Variants in BEST3 observed in about 807,000 individuals in gnomAD.
The protein encoded by BEST3 is bestrophin 3.
BEST3 carries 50 observed loss-of-function variants against 47.1 expected under a neutral mutation model. The observed-to-expected ratio is 1.06, with a 90% CI of 0.85 to 1.34. The LOEUF (loss-of-function observed/expected upper bound fraction) is 1.34. Among genes scored for constraint, BEST3 ranks in the 40% most tolerant of loss-of-function variants. The pLI, the probability that BEST3 is intolerant of heterozygous loss-of-function variation, is 0.00. For missense variants in BEST3, 765 were observed against 817.0 expected (o/e 0.94, Z 0.78); for synonymous variants, 282 against 298.8 (o/e 0.94, Z 0.58).
In BEST3 at chr12:69,691,291, T is replaced by C. The variant is rs183450162; in HGVS notation, c.481+2383A>G. The stretch of plus-strand genomic sequence containing the variant: ...AAGCCTATGGGATATATGAGGTAGG[T>C]GCTATTATAAGTTACTTTAAGTCCA... On this transcript the variant is annotated intron_variant, in intron 4 of 9. Coordinates refer to ENST00000330891, the MANE Select transcript of BEST3 (RefSeq NM_032735.3). Among the ~76,000 whole-genome samples the C allele has an allele frequency of 4.5e-4, 69 of 152,278 alleles. No individual in the cohort carries two copies. In the East Asian group the frequency reaches 0.01, roughly 23 times the overall value.
chr12:69,663,140 A>G (rs1212048837), intron 9 of BEST3, among the ~76,000 whole-genome samples: 2 of 152,216 alleles, frequency 1.3e-5, no homozygotes, highest in African/African-American at 4.8e-5. Context: ...AGTCTTAAAC[A>G]TTTGTGTTAA....
At chr12:69,693,479 G>A (rs554549851) in intron 4 of BEST3, among the ~76,000 whole-genome samples, 195 bp downstream of exon 4, 1 of 151,702 alleles carries the variant, frequency 6.6e-6, no homozygotes, top group Non-Finnish European at 1.5e-5. Context: ...TGGCCAGGTT[G>A]GTCTCAAACT....
chr12:69,693,930 A>G (rs1221509724), intron 3 of BEST3, 23 bp from the exon 4 acceptor site: 1 of 1,547,648 alleles, frequency 6.5e-7, no homozygotes, highest in African/African-American at 1.4e-5. Flanking sequence ...AGGAAATTAT[A>G]AAGCAGTTTC....
Position 69,671,390 on chromosome 12 carries a change from G to A in BEST3, c.1100+38C>T, listed in dbSNP as rs768991067. 2.3e-5 allele frequency: 36 copies of A among 1,568,356 alleles called. No homozygotes were observed. The Admixed American group carries it at 3.8e-4, about 16-fold the overall frequency. ...GACAAGGTCTCACTATGTTGCTCAG[G>A]CTGGAAAATATTAGAGATTTTTTAA... On this transcript the variant is annotated intron_variant, in intron 9 of 9. Transcript: ENST00000330891.
At chr12:69,679,838 G>T (rs775487) in intron 4 of BEST3, among the ~76,000 whole-genome samples, 68,288 of 151,964 alleles carry the variant, frequency 0.45, 16,045 homozygotes, top group Admixed American at 0.58. Flanking sequence ...TCCAGCCCAG[G>T]CTATAGAGCG....
At chr12:69,643,621 G>A in exon 10 of BEST3, 2 of 589,690 alleles carry the variant, frequency 3.4e-6, no homozygotes, top group East Asian at 3.0e-5. Context: ...TTTTTCAGTT[G>A]AGCAGCAGAT....
Position 69,654,168 on chromosome 12 carries a change from C to A in BEST3, c.*739G>T. The stretch of plus-strand genomic sequence containing the variant: ...ATGTCTTATATTTTGAAATTCATGG[C>A]AAGACATAAGCAACAGATTTGGCAA... On this transcript the variant is annotated 3_prime_UTR_variant, in exon 10 of 10. Transcript: ENST00000330891. 1.0e-6 allele frequency: 1 copy of A among 984,714 alleles called. No homozygotes were observed. Among genetic ancestry groups the A allele is most frequent in the Non-Finnish European group, 1.2e-6 (1 of 829,746 alleles). The allele number at this position is 984,714 out of a possible 1,614,324, so 61.0% of individuals were successfully genotyped here.
downstream of BEST3, among the ~76,000 whole-genome samples, chr12:69,650,933 A>G (rs1314326734): frequency 6.6e-6 from 1 of 152,226 alleles, no homozygotes; most frequent in African/African-American, 2.4e-5. Flanking sequence ...TGGAAGCTTA[A>G]TGGTGTGTGT....
intron 5 of BEST3, among the ~76,000 whole-genome samples, chr12:69,678,373 C>T (rs1473639443): frequency 6.6e-6 from 1 of 152,058 alleles, no homozygotes; most frequent in Non-Finnish European, 1.5e-5. Flanking sequence ...AGGTTTATTT[C>T]TCCTCCAGGT....
At chr12:69,688,075 A>T (rs1300462330) in intron 4 of BEST3, among the ~76,000 whole-genome samples, 1 of 152,212 alleles carries the variant, frequency 6.6e-6, no homozygotes, top group Non-Finnish European at 1.5e-5. Context: ...ATTACATATC[A>T]TTGTGCTTCT....
chr12:69,676,854 AT>A (rs1884952378), intron 7 of BEST3, 61 bp downstream of exon 7: 1 of 1,521,372 alleles, frequency 6.6e-7, no homozygotes, highest in African/African-American at 1.4e-5. Context: ...TCAGTAAAGG[AT>A]TAGTGTGGAG....
In BEST3 at chr12:69,654,401, A is replaced by C; in HGVS notation, c.*506T>G. 1 of 985,792 alleles carries C rather than the reference A, an allele frequency of 1.0e-6. No individual in the cohort carries two copies. 61.1% of individuals were successfully genotyped at this position (985,792 alleles called of 1,614,324 possible). On this transcript the variant is annotated 3_prime_UTR_variant, in exon 10 of 10. Coordinates refer to ENST00000330891, the MANE Select transcript of BEST3 (RefSeq NM_032735.3). ...AATAATAGTTATAAAAGTAGGAATGAGATGGTTAGAAAGCCTCAAACAAAA... is the reference window on the plus strand; with the variant it reads ...AATAATAGTTATAAAAGTAGGAATGCGATGGTTAGAAAGCCTCAAACAAAA...
At chr12:69,672,997 T>C (rs370423207) in intron 7 of BEST3, 32 bp from the exon 8 acceptor site, 5 of 1,522,740 alleles carry the variant, frequency 3.3e-6, no homozygotes, top group Admixed American at 3.6e-5. Flanking sequence ...AAATCCATCA[T>C]GATACCTGTG....
chr12:69,680,372 G>A (rs1461988028), intron 4 of BEST3, among the ~76,000 whole-genome samples: 6 of 142,386 alleles, frequency 4.2e-5, no homozygotes, highest in Admixed American at 7.1e-5. Flanking sequence ...GCAGTGGCGC[G>A]ATCTCAGCTC....
At chr12:69,671,369 A>T in intron 9 of BEST3, 59 bp downstream of exon 9, 1 of 1,400,684 alleles carries the variant, frequency 7.1e-7, no homozygotes, top group Non-Finnish European at 9.7e-7. Flanking sequence ...TATAGAGACA[A>T]GGTCTCACTA....
At chr12:69,645,791 A>G (rs1175784579) in intron 9 of BEST3, among the ~76,000 whole-genome samples, 4 of 100,264 alleles carry the variant, frequency 4.0e-5, no homozygotes, top group African/African-American at 5.6e-5. Flanking sequence ...TAAGTACCCA[A>G]TAGTTGTAAC....
chr12:69,694,377 A>T lies in BEST3; in HGVS notation c.240T>A (p.Phe80Leu). The stretch of plus-strand genomic sequence containing the variant: ...CGTGTGACCTATACTTACCAAGCAC[A>T]AAGGTTACTGGAATTTGTTCAGCAT... ...DRYAEQIPVT[F>L]VLGFYVTLVV... is the part of the protein sequence containing the mutation. Residue 80 changes from phenylalanine (F) to leucine (L), a missense_variant, in exon 3 of 10, where the codon TTT becomes TTA. Transcript: ENST00000330891. 1 of 1,602,300 alleles carries T rather than the reference A, an allele frequency of 6.2e-7. No homozygotes were observed. Among genetic ancestry groups the T allele is most frequent in the East Asian group, 2.2e-5 (1 of 44,492 alleles).
At chr12:69,658,360 C>G (rs1218689326) in intron 9 of BEST3, among the ~76,000 whole-genome samples, 1 of 152,046 alleles carries the variant, frequency 6.6e-6, no homozygotes, top group African/African-American at 2.4e-5. Flanking sequence ...GGTATAAACT[C>G]CTGGGTCATA....
At chr12:69,669,195 G>A (rs1358056646) in intron 9 of BEST3, among the ~76,000 whole-genome samples, 3 of 152,180 alleles carry the variant, frequency 2.0e-5, no homozygotes, top group African/African-American at 7.2e-5. Flanking sequence ...GAAATCCAAA[G>A]GGGGCCATTT....
Sources: allele counts gnomAD v4.1 joint callset (sites outside exome capture counted in the v4.1 genomes callset), GRCh38; gene constraint gnomAD v4.1.1; transcripts MANE v1.5; gene names NCBI Gene and HGNC (gene_info 2026-07-23, HGNC 2026-07-21).